RIC8B: variants seen among roughly 807,000 people sequenced by gnomAD.
RIC8B encodes RIC8 guanine nucleotide exchange factor B.
A neutral mutation model predicts 57.5 loss-of-function variants in RIC8B; 16 were observed. That is an observed-to-expected ratio of 0.28 (90% CI 0.19 to 0.42). The LOEUF (loss-of-function observed/expected upper bound fraction) is 0.42, where lower values mean the gene tolerates loss of function less well. RIC8B is among the 10% of genes least tolerant of loss of function. The pLI is 1.00. For missense variants in RIC8B, 481 were observed against 677.0 expected (o/e 0.71, Z 3.21); for synonymous variants, 216 against 250.8 (o/e 0.86, Z 1.31).
chr12:106,810,538 G>C (rs763385993), intron 2 of RIC8B, among the ~76,000 whole-genome samples: 1 of 152,142 alleles, frequency 6.6e-6, no homozygotes, highest in African/African-American at 2.4e-5. Flanking sequence ...AGAATGTTGA[G>C]GGCTGAAGTG....
At chr12:106,845,392 G>GT (rs1949139962) in intron 6 of RIC8B, among the ~76,000 whole-genome samples, 1 of 152,000 alleles carries the variant, frequency 6.6e-6, no homozygotes, top group African/African-American at 2.4e-5. Context: ...TTTGTTTCCT[G>GT]TTTCATCATG....
chr12:106,797,219 G>A (rs2044523957), intron 2 of RIC8B, among the ~76,000 whole-genome samples: 1 of 152,124 alleles, frequency 6.6e-6, no homozygotes. Context: ...AATATTCATG[G>A]CATTATTCAT....
chr12:106,836,989 A>G (rs960744048), intron 4 of RIC8B, among the ~76,000 whole-genome samples: 1 of 152,146 alleles, frequency 6.6e-6, no homozygotes, highest in African/African-American at 2.4e-5. Context: ...CTCCTTCCTC[A>G]GTCACATTAC....
At chr12:106,777,876 C>G (rs2043566038) in intron 1 of RIC8B, among the ~76,000 whole-genome samples, 1 of 152,196 alleles carries the variant, frequency 6.6e-6, no homozygotes. Context: ...GACCAGGGTA[C>G]CTAAGAGGTG....
At chr12:106,828,575 T>C (rs781467449) in intron 4 of RIC8B, among the ~76,000 whole-genome samples, 21 of 152,158 alleles carry the variant, frequency 1.4e-4, no homozygotes, top group Non-Finnish European at 2.6e-4. Context: ...TAGCACAGTG[T>C]ATGGTTGTGC....
intron 1 of RIC8B, among the ~76,000 whole-genome samples, chr12:106,781,997 CT>C (rs1318637304): frequency 6.6e-6 from 1 of 151,964 alleles, no homozygotes; most frequent in Non-Finnish European, 1.5e-5. Context: ...GATTTACAAT[CT>C]TTCTTTCCTC....
intron 4 of RIC8B, among the ~76,000 whole-genome samples, chr12:106,826,557 C>T (rs1295588891): frequency 6.6e-6 from 1 of 151,916 alleles, no homozygotes; most frequent in East Asian, 1.9e-4. Context: ...AGTTTGAGAC[C>T]AGCCTGGCCA....
At chr12:106,868,770 C>G (rs1201822632) in intron 8 of RIC8B, among the ~76,000 whole-genome samples, 1 of 14,890 alleles carries the variant, frequency 6.7e-5, no homozygotes, top group Non-Finnish European at 2.1e-4. Context: ...ACTCTAGACA[C>G]ACACACACAC....
intron 1 of RIC8B, among the ~76,000 whole-genome samples, chr12:106,778,767 G>A (rs550771331): frequency 6.6e-6 from 1 of 152,128 alleles, no homozygotes; most frequent in African/African-American, 2.4e-5. Flanking sequence ...TTCTTTTTCA[G>A]GAGTGGTATA....
At chr12:106,800,057 A>G (rs567429889) in intron 2 of RIC8B, among the ~76,000 whole-genome samples, 2 of 152,240 alleles carry the variant, frequency 1.3e-5, no homozygotes, top group East Asian at 1.9e-4. Flanking sequence ...GTATGCATTT[A>G]TACAGCAAGA....
In RIC8B at chr12:106,870,845, T is replaced by G. The variant is rs537218652; in HGVS notation, c.1474T>G (p.Leu492Val). Reference sequence around the variant, plus strand: ...TAGCATTAATCTTATCACTGGTCATTTAGAGGAACCAATGCCAAACCCCAT... The same window carrying G: ...TAGCATTAATCTTATCACTGGTCATGTAGAGGAACCAATGCCAAACCCCAT... ...KPNINLITGH[L>V]EEPMPNPIDE... The change falls in exon 9 of 10, where the codon TTA becomes GTA. Residue 492 changes from leucine to valine, a missense_variant. Transcript: ENST00000392837. 6.5e-7 allele frequency: 1 copy of G among 1,531,590 alleles called. No homozygotes were observed. Among genetic ancestry groups the G allele is most frequent in the Non-Finnish European group, 8.8e-7 (1 of 1,136,212 alleles). The allele number at this position is 1,531,590 out of a possible 1,614,324, so 94.9% of individuals were successfully genotyped here. A position where few individuals can be genotyped will look rare whatever the true frequency, so the allele number is the denominator to read the frequency against.
intron 4 of RIC8B, among the ~76,000 whole-genome samples, chr12:106,828,284 G>A (rs2046201742): frequency 6.6e-6 from 1 of 152,106 alleles, no homozygotes; most frequent in South Asian, 2.1e-4. Context: ...CAGAATTAGA[G>A]TGATTAGTAT....
At chr12:106,785,948 G>T (rs900914274) in intron 2 of RIC8B, among the ~76,000 whole-genome samples, 6 of 151,312 alleles carry the variant, frequency 4.0e-5, no homozygotes, top group Non-Finnish European at 8.8e-5. Flanking sequence ...CTGGGCTTAA[G>T]TGATCCTCCC....
rs116316835 is a variant in RIC8B, at chr12:106,841,775, T to C, written c.837-814T>C. Among the ~76,000 whole-genome samples, 697 of 152,272 alleles carry C rather than the reference T, an allele frequency of 4.6e-3. 3 individuals are homozygous for C. Among genetic ancestry groups the C allele is most frequent in the African/African-American group, 0.016 (672 of 41,562 alleles). On this transcript the variant is annotated intron_variant, in intron 4 of 9. Transcript: ENST00000392837. ...TTTAGATGAAAGAATATGAAATAAC[T>C]CATGGAAGAAAATATGTTTGTTGAG...
rs555747274 is a variant in RIC8B at position 106,851,393 on chromosome 12, A to G, written c.1162-57A>G. The G allele has an allele frequency of 5.7e-4, 875 of 1,538,350 alleles. 13 individuals are homozygous for G. Among genetic ancestry groups the G allele is most frequent in the Non-Finnish European group, 1.1e-4 (129 of 1,129,528 alleles). On this transcript the variant is annotated intron_variant, in intron 6 of 9. Coordinates refer to ENST00000392837, the MANE Select transcript of RIC8B (RefSeq NM_001330145.2). ...CAAGACTGGCCAGTTGCATTGTACC[A>G]TCCTCACTCACTCTAGTAGCCTCGA... is the stretch of plus-strand genomic sequence containing the variant.
chr12:106,815,618 T>C (rs188237173), intron 3 of RIC8B, among the ~76,000 whole-genome samples: 9 of 152,302 alleles, frequency 5.9e-5, no homozygotes, highest in Admixed American at 5.2e-4. Context: ...AATTATAAGA[T>C]TTGAGGGGAA....
At chr12:106,845,534 G>T (rs922576622) in intron 6 of RIC8B, among the ~76,000 whole-genome samples, 2 of 152,004 alleles carry the variant, frequency 1.3e-5, no homozygotes, top group Non-Finnish European at 2.9e-5. Flanking sequence ...CATTTGTCCT[G>T]GATCTCTTTC....
intron 6 of RIC8B, among the ~76,000 whole-genome samples, chr12:106,844,427 CAA>C (rs1949092306): frequency 6.6e-6 from 1 of 152,086 alleles, no homozygotes; most frequent in Non-Finnish European, 1.5e-5. Flanking sequence ...ATCCCTGAGA[CAA>C]GAGGATGCTT....
At chr12:106,874,616 T>C in intron 9 of RIC8B, 1 of 1,329,096 alleles carries the variant, frequency 7.5e-7, no homozygotes, top group Non-Finnish European at 1.0e-6. Flanking sequence ...GGTATAGATG[T>C]TATTCACTAC....
Sources: gnomAD v4.1 joint callset for allele counts (sites outside exome capture counted in the v4.1 genomes callset) on GRCh38, gnomAD v4.1.1 for gene constraint, MANE v1.5 for transcripts, NCBI Gene and HGNC (gene_info 2026-07-23, HGNC 2026-07-21) for gene names.